DYM: variants seen among roughly 807,000 people sequenced by gnomAD.
The protein encoded by DYM is dymeclin, also known as dyggve-Melchior-Clausen syndrome protein.
A neutral mutation model predicts 93.1 loss-of-function variants in DYM; 78 were observed. The ratio of observed to expected loss-of-function variants is 0.84; its 90% CI spans 0.70 to 1.01. The LOEUF (loss-of-function observed/expected upper bound fraction) is 1.01, where lower values mean the gene tolerates loss of function less well. DYM is among the 50% of genes least tolerant of loss of function. The pLI is 0.00. For synonymous variants in DYM, 321 were observed against 319.7 expected (o/e 1.00, Z -0.04); for missense variants, 789 against 845.0 (o/e 0.93, Z 0.82).
At chr18:49,237,430 G>A (rs950372294) in intron 13 of DYM, among the ~76,000 whole-genome samples, 6 of 151,928 alleles carry the variant, frequency 3.9e-5, no homozygotes, top group Admixed American at 3.3e-4. Context: ...TTGCATATAC[G>A]CAAGTAGAAA....
chr18:49,116,417 A>G (rs1297873338), intron 16 of DYM: 3 of 152,246 alleles, frequency 2.0e-5, no homozygotes, highest in Non-Finnish European at 2.9e-5. Context: ...CAAAAATACT[A>G]CTGGGAAGAA....
intron 17 of DYM, among the ~76,000 whole-genome samples, chr18:49,083,957 C>A (rs2078274145): frequency 6.6e-6 from 1 of 152,032 alleles, no homozygotes; most frequent in African/African-American, 2.4e-5. Context: ...TTTAGTTTCA[C>A]TGATATTATC....
intron 17 of DYM, among the ~76,000 whole-genome samples, chr18:49,067,248 A>AT (rs1568365904): frequency 1.1e-3 from 7 of 6,164 alleles, no homozygotes; most frequent in African/African-American, 1.4e-3. Context: ...GTGGGGTGAC[A>AT]TGTTATGGAG....
intron 17 of DYM, among the ~76,000 whole-genome samples, chr18:49,071,493 C>A (rs901942075): frequency 6.6e-6 from 1 of 152,196 alleles, no homozygotes; most frequent in African/African-American, 2.4e-5. Flanking sequence ...ACAGAGAAGA[C>A]GATTCATTCA....
At chr18:49,326,161 T>C (rs942767419) in intron 8 of DYM, among the ~76,000 whole-genome samples, 1 of 152,228 alleles carries the variant, frequency 6.6e-6, no homozygotes, top group East Asian at 1.9e-4. Context: ...TTTTTAAGTA[T>C]GCCAGGTGGT....
intron 13 of DYM, among the ~76,000 whole-genome samples, chr18:49,251,255 A>G (rs1448624524): frequency 6.6e-6 from 1 of 152,224 alleles, no homozygotes; most frequent in Non-Finnish European, 1.5e-5. Context: ...GTAGGGAGGC[A>G]AAAAGACCCA....
chr18:49,397,818 T>G (rs1295913534), intron 2 of DYM, among the ~76,000 whole-genome samples: 1 of 152,258 alleles, frequency 6.6e-6, no homozygotes, highest in African/African-American at 2.4e-5. Flanking sequence ...AACATTTCAT[T>G]AATTTTATAT....
chr18:49,215,432 T>C (rs1046047269), intron 13 of DYM, among the ~76,000 whole-genome samples: 1 of 152,166 alleles, frequency 6.6e-6, no homozygotes, highest in Non-Finnish European at 1.5e-5. Flanking sequence ...CCAGACAAAA[T>C]CTTGTTAGTT....
chr18:49,332,734 C>T (rs1234949205), intron 7 of DYM, among the ~76,000 whole-genome samples: 1 of 152,102 alleles, frequency 6.6e-6, no homozygotes, highest in South Asian at 2.1e-4. Flanking sequence ...TATGTGGCAC[C>T]ATAATGATAC....
intron 14 of DYM, among the ~76,000 whole-genome samples, chr18:49,197,939 G>A (rs1321602633): frequency 2.6e-5 from 4 of 152,074 alleles, no homozygotes; most frequent in Non-Finnish European, 5.9e-5. Flanking sequence ...CCTAAGCCAA[G>A]AGAACAAAGC....
intron 17 of DYM, among the ~76,000 whole-genome samples, chr18:49,047,866 C>T (rs1282504987): frequency 1.3e-5 from 2 of 152,162 alleles, no homozygotes; most frequent in Non-Finnish European, 1.5e-5. Flanking sequence ...CACCGACCCG[C>T]GCTCCCCATA....
chr18:49,405,812 G>A (rs1175731047), intron 2 of DYM, among the ~76,000 whole-genome samples: 1 of 152,018 alleles, frequency 6.6e-6, no homozygotes, highest in Non-Finnish European at 1.5e-5. Context: ...AGATTGCTTC[G>A]GACAGTATGG....
At chr18:49,257,850 T>G (rs2094419086) in intron 12 of DYM, among the ~76,000 whole-genome samples, 1 of 150,440 alleles carries the variant, frequency 6.6e-6, no homozygotes, top group Non-Finnish European at 1.5e-5. Context: ...AGTGGCACAA[T>G]CGTAGCTCAA....
At chr18:49,089,713 GAA>G (rs1309726367) in intron 17 of DYM, among the ~76,000 whole-genome samples, 1 of 152,128 alleles carries the variant, frequency 6.6e-6, no homozygotes, top group African/African-American at 2.4e-5. Context: ...ACCTGCATAT[GAA>G]AAGAGTGCTC....
intron 5 of DYM, chr18:49,375,789 C>T (rs2067454573): frequency 6.6e-6 from 1 of 152,154 alleles, no homozygotes; most frequent in Non-Finnish European, 1.5e-5. Context: ...CATACCCACC[C>T]TCAATCTGGG....
intron 1 of DYM, among the ~76,000 whole-genome samples, chr18:49,433,863 G>C (rs2080564618): frequency 6.6e-6 from 1 of 151,072 alleles, no homozygotes; most frequent in Non-Finnish European, 1.5e-5. Context: ...GTGAAACTCT[G>C]TCTCAAATTA....
intron 11 of DYM, among the ~76,000 whole-genome samples, chr18:49,266,075 G>A (rs1568133553): frequency 6.6e-6 from 1 of 151,858 alleles, no homozygotes; most frequent in East Asian, 1.9e-4. Context: ...CACGAGAATT[G>A]CGTAAAACAG....
At chr18:49,108,998 T>C (rs1327324375) in intron 16 of DYM, among the ~76,000 whole-genome samples, 1 of 152,142 alleles carries the variant, frequency 6.6e-6, no homozygotes, top group Non-Finnish European at 1.5e-5. Flanking sequence ...TGAAGTCTAC[T>C]TTGTCTGCTA....
At chr18:49,388,351 A>T (rs1282136586) in intron 3 of DYM, among the ~76,000 whole-genome samples, 1 of 152,072 alleles carries the variant, frequency 6.6e-6, no homozygotes, top group African/African-American at 2.4e-5. Context: ...AAAATAAAAA[A>T]AAGGAAAACA....
Sources: gnomAD v4.1 joint callset for allele counts (sites outside exome capture counted in the v4.1 genomes callset) on GRCh38, gnomAD v4.1.1 for gene constraint, MANE v1.5 for transcripts, NCBI Gene and HGNC (gene_info 2026-07-23, HGNC 2026-07-21) for gene names.